Variants in CDH13 observed in about 807,000 individuals in gnomAD.
CDH13 encodes cadherin 13.
Under a neutral mutation model 63.8 loss-of-function variants are expected in CDH13, and 24 were observed. That is an observed-to-expected ratio of 0.38 (90% CI 0.27 to 0.53). CDH13 has a LOEUF of 0.53. Among genes scored for constraint, CDH13 ranks in the 20% least tolerant of loss-of-function variants. The pLI is 0.85. For synonymous variants in CDH13, 503 were observed against 355.3 expected, an observed-to-expected ratio of 1.42 and a Z score of -4.67; for missense variants, 1,049 against 903.1, an observed-to-expected ratio of 1.16 and a Z score of -2.07.
intron 4 of CDH13, among the ~76,000 whole-genome samples, chr16:83,130,517 G>A (rs1021653147): frequency 2.0e-5 from 3 of 152,110 alleles, no homozygotes; most frequent in Non-Finnish European, 4.4e-5. Context: ...GTGGACAGAG[G>A]GTTGGATCAA....
chr16:83,160,845 G>T (rs898835128), intron 4 of CDH13, among the ~76,000 whole-genome samples: 3 of 152,130 alleles, frequency 2.0e-5, no homozygotes, highest in African/African-American at 7.2e-5. Flanking sequence ...TAAACATCAG[G>T]TGAGAAAAAC....
intron 5 of CDH13, among the ~76,000 whole-genome samples, chr16:83,309,418 C>G (rs1187904535): frequency 6.6e-6 from 1 of 152,162 alleles, no homozygotes; most frequent in Non-Finnish European, 1.5e-5. Context: ...CTCTGTCACC[C>G]AGGCTGGAGT....
intron 7 of CDH13, among the ~76,000 whole-genome samples, chr16:83,527,417 C>G (rs908786560): frequency 2.0e-5 from 3 of 151,926 alleles, no homozygotes; most frequent in Non-Finnish European, 4.4e-5. Context: ...CCACTGCACT[C>G]CAGCCTGGGC....
chr16:82,818,237 G>A (rs1187621424), intron 1 of CDH13, among the ~76,000 whole-genome samples: 1 of 151,988 alleles, frequency 6.6e-6, no homozygotes, highest in East Asian at 1.9e-4. Flanking sequence ...TTTCTGTTAC[G>A]TAGATGAGGA....
intron 1 of CDH13, among the ~76,000 whole-genome samples, chr16:82,712,897 A>T (rs1175956535): frequency 2.6e-5 from 4 of 151,940 alleles, no homozygotes; most frequent in Admixed American, 2.6e-4. Flanking sequence ...TTTCAGCTTC[A>T]TGTGGATCAG....
intron 1 of CDH13, among the ~76,000 whole-genome samples, chr16:82,832,731 G>C (rs534622410): frequency 6.6e-6 from 1 of 152,234 alleles, no homozygotes; most frequent in South Asian, 2.1e-4. Context: ...TTTTGCATCT[G>C]GATCAGTCAG....
At chr16:82,722,412 C>CAG (rs756779807) in intron 1 of CDH13, among the ~76,000 whole-genome samples, 3 of 151,792 alleles carry the variant, frequency 2.0e-5, no homozygotes, top group Non-Finnish European at 4.4e-5. Context: ...ACAACCCCAG[C>CAG]AGAGAGAGAG....
chr16:83,067,564 C>G (rs531215002), intron 3 of CDH13, among the ~76,000 whole-genome samples: 1 of 152,116 alleles, frequency 6.6e-6, no homozygotes, highest in Admixed American at 6.6e-5. Context: ...TTTACAACCT[C>G]CACAAACTAA....
chr16:83,481,011 T>G (rs889176411), intron 6 of CDH13, among the ~76,000 whole-genome samples: 2 of 152,174 alleles, frequency 1.3e-5, no homozygotes, highest in Admixed American at 1.3e-4. Context: ...CACTATTAGA[T>G]CATTCGGTCA....
At chr16:82,681,820 A>T (rs777396715) in intron 1 of CDH13, among the ~76,000 whole-genome samples, 2 of 152,236 alleles carry the variant, frequency 1.3e-5, no homozygotes, top group Admixed American at 1.3e-4. Flanking sequence ...ACATGCGTCA[A>T]TGTGTAAACA....
intron 2 of CDH13, among the ~76,000 whole-genome samples, chr16:82,946,064 A>G (rs1904681606): frequency 6.6e-6 from 1 of 151,976 alleles, no homozygotes; most frequent in Non-Finnish European, 1.5e-5. Flanking sequence ...CTTTCCCCTG[A>G]TCAACTGAGC....
chr16:83,413,921 G>C (rs561115712), intron 6 of CDH13, among the ~76,000 whole-genome samples: 27 of 152,228 alleles, frequency 1.8e-4, no homozygotes, highest in African/African-American at 5.8e-4. Context: ...GAACCTGGGA[G>C]GTGCAGGTTG....
chr16:83,164,169 G>A (rs549920641), intron 4 of CDH13, among the ~76,000 whole-genome samples: 1 of 152,216 alleles, frequency 6.6e-6, no homozygotes, highest in African/African-American at 2.4e-5. Flanking sequence ...AGCTTCAGTG[G>A]TTAGTTCTTT....
At chr16:83,544,653 C>T (rs1374260589) in intron 7 of CDH13, among the ~76,000 whole-genome samples, 1 of 152,126 alleles carries the variant, frequency 6.6e-6, no homozygotes, top group Admixed American at 6.5e-5. Flanking sequence ...ATTTGAAATA[C>T]AGTTTCTATT....
chr16:83,002,356 C>T (rs1473969323), intron 2 of CDH13, among the ~76,000 whole-genome samples: 1 of 152,170 alleles, frequency 6.6e-6, no homozygotes, highest in Admixed American at 6.5e-5. Context: ...CAAGAAACAC[C>T]TGGAGCCACA....
At chr16:82,954,263 G>C (rs1243638715) in intron 2 of CDH13, 1 of 152,172 alleles carries the variant, frequency 6.6e-6, no homozygotes, top group Non-Finnish European at 1.5e-5. Flanking sequence ...AATTAGTTCA[G>C]AGCTGCTTTC....
At chr16:83,634,795 T>C (rs796640100) in intron 8 of CDH13, among the ~76,000 whole-genome samples, 6 of 152,318 alleles carry the variant, frequency 3.9e-5, no homozygotes, top group African/African-American at 1.2e-4. Flanking sequence ...CTGAGTGATA[T>C]TCCATGGTAT....
At chr16:83,471,848 A>G (rs78742399) in intron 6 of CDH13, among the ~76,000 whole-genome samples, 3,819 of 152,282 alleles carry the variant, frequency 0.025, 164 homozygotes, top group African/African-American at 0.086. Flanking sequence ...GAGCACATGG[A>G]GGAGACCTTG....
At chr16:83,057,222 C>A (rs982941446) in intron 3 of CDH13, among the ~76,000 whole-genome samples, 5 of 152,170 alleles carry the variant, frequency 3.3e-5, no homozygotes, top group Non-Finnish European at 7.3e-5. Context: ...GCCTGGGCCT[C>A]CCAAAGTACT....
Sources: allele counts gnomAD v4.1 joint callset (sites outside exome capture counted in the v4.1 genomes callset), GRCh38; gene constraint gnomAD v4.1.1; transcripts MANE v1.5; gene names NCBI Gene and HGNC (gene_info 2026-07-23, HGNC 2026-07-21).